The following FHIT variants were observed in gnomAD, a reference collection of about 807,000 sequenced individuals.
FHIT encodes the protein fragile histidine triad diadenosine triphosphatase.
In FHIT, 19 loss-of-function variants were observed where a neutral mutation model predicts 17.9. The ratio of observed to expected loss-of-function variants is 1.06; its 90% CI spans 0.74 to 1.56. The LOEUF is 1.56. FHIT is among the 40% of genes most tolerant of loss of function. The pLI is 0.00. For synonymous variants in FHIT, 81 were observed against 69.7 expected (o/e 1.16, Z -0.81); for missense variants, 248 against 189.2 (o/e 1.31, Z -1.82).
At chr3:59,890,617 C>T (rs1703814338) in intron 8 of FHIT, among the ~76,000 whole-genome samples, 1 of 152,136 alleles carries the variant, frequency 6.6e-6, no homozygotes, top group Admixed American at 6.5e-5. Flanking sequence ...TCAGCCAAAC[C>T]AGCTTATGCA....
chr3:60,135,439 C>G (rs1016361207), intron 5 of FHIT, among the ~76,000 whole-genome samples: 1 of 152,142 alleles, frequency 6.6e-6, no homozygotes, highest in Non-Finnish European at 1.5e-5. Context: ...CAATTTGATT[C>G]AAATATTTGT....
At chr3:61,121,978 C>A (rs1052804298) in intron 2 of FHIT, among the ~76,000 whole-genome samples, 4 of 152,080 alleles carry the variant, frequency 2.6e-5, no homozygotes, top group Admixed American at 6.6e-5. Flanking sequence ...TTAAAAAAGA[C>A]AAAGAAGGGC....
At chr3:60,371,253 G>A in intron 5 of FHIT, among the ~76,000 whole-genome samples, 1 of 152,174 alleles carries the variant, frequency 6.6e-6, no homozygotes, top group East Asian at 1.9e-4. Flanking sequence ...CTAGCACAAT[G>A]CTTCACCATA....
intron 2 of FHIT, among the ~76,000 whole-genome samples, chr3:61,187,097 G>A (rs1208861447): frequency 6.6e-6 from 1 of 152,154 alleles, no homozygotes; most frequent in African/African-American, 2.4e-5. Flanking sequence ...GCATATTACA[G>A]AAGATCAATA....
chr3:60,544,247 C>CA (rs1553645995), intron 4 of FHIT, among the ~76,000 whole-genome samples: 2 of 150,076 alleles, frequency 1.3e-5, no homozygotes, highest in East Asian at 1.9e-4. Flanking sequence ...GTTTAAACTT[C>CA]TTTTTTTTTG....
chr3:60,200,453 C>A (rs939025569), intron 5 of FHIT, among the ~76,000 whole-genome samples: 2 of 152,040 alleles, frequency 1.3e-5, no homozygotes, highest in African/African-American at 4.8e-5. Flanking sequence ...TAGGACATAT[C>A]CCTGGCATTT....
At chr3:60,718,497 T>C (rs2107957631) in intron 4 of FHIT, among the ~76,000 whole-genome samples, 1 of 152,262 alleles carries the variant, frequency 6.6e-6, no homozygotes, top group South Asian at 2.1e-4. Context: ...AGTAGAGACA[T>C]GTATTTTAAC....
intron 5 of FHIT, among the ~76,000 whole-genome samples, chr3:60,502,715 C>G (rs577394807): frequency 2.0e-5 from 3 of 152,130 alleles, no homozygotes; most frequent in African/African-American, 7.2e-5. Context: ...GTGACAAAAC[C>G]GTCTGTAGTC....
At chr3:60,179,003 G>A (rs1701804781) in intron 5 of FHIT, among the ~76,000 whole-genome samples, 1 of 152,036 alleles carries the variant, frequency 6.6e-6, no homozygotes, top group Admixed American at 6.6e-5. Flanking sequence ...ATACTGAGGG[G>A]CCCCTTAATT....
At chr3:60,732,829 G>C (rs2042061201) in intron 4 of FHIT, among the ~76,000 whole-genome samples, 1 of 151,738 alleles carries the variant, frequency 6.6e-6, no homozygotes, top group African/African-American at 2.4e-5. Flanking sequence ...TGGGACTACA[G>C]ATGCGAGCTA....
intron 8 of FHIT, among the ~76,000 whole-genome samples, chr3:59,774,109 G>T (rs372145886): frequency 1.3e-5 from 2 of 152,142 alleles, no homozygotes; most frequent in Non-Finnish European, 2.9e-5. Context: ...GCCCTACAGC[G>T]TGAGATGCGC....
intron 8 of FHIT, among the ~76,000 whole-genome samples, chr3:59,879,658 C>T (rs949303076): frequency 3.9e-5 from 6 of 152,016 alleles, no homozygotes; most frequent in South Asian, 2.1e-4. Context: ...TACGTAGGGT[C>T]GAATAAATGA....
intron 3 of FHIT, among the ~76,000 whole-genome samples, chr3:60,927,401 G>A (rs925610320): frequency 2.6e-5 from 4 of 152,222 alleles, no homozygotes; most frequent in Non-Finnish European, 5.9e-5. Context: ...CTGCCCCGCC[G>A]CCACCCTGTC....
chr3:59,859,939 G>C (rs899998638), intron 8 of FHIT, among the ~76,000 whole-genome samples: 2 of 152,166 alleles, frequency 1.3e-5, no homozygotes, highest in African/African-American at 4.8e-5. Flanking sequence ...ATAGTAATGA[G>C]AAGAGTGCTC....
intron 5 of FHIT, among the ~76,000 whole-genome samples, chr3:60,468,738 C>A (rs550155): frequency 6.6e-6 from 1 of 152,024 alleles, no homozygotes; most frequent in Non-Finnish European, 1.5e-5. Context: ...TTATGATATT[C>A]TTTATTTTTC....
At chr3:60,720,366 T>A (rs757524980) in intron 4 of FHIT, among the ~76,000 whole-genome samples, 2 of 152,176 alleles carry the variant, frequency 1.3e-5, no homozygotes, top group Non-Finnish European at 2.9e-5. Context: ...CTGTGCCCCA[T>A]AAATATTTGT....
chr3:61,184,964 T>A (rs1241669020), intron 2 of FHIT, among the ~76,000 whole-genome samples: 1 of 152,184 alleles, frequency 6.6e-6, no homozygotes, highest in African/African-American at 2.4e-5. Flanking sequence ...GAAAAATCAA[T>A]CTGTGGCTCT....
intron 3 of FHIT, among the ~76,000 whole-genome samples, chr3:60,947,489 T>A (rs1220898794): frequency 1.3e-5 from 2 of 152,224 alleles, no homozygotes; most frequent in African/African-American, 4.8e-5. Context: ...GGAAATCATA[T>A]TTCTTGCTGT....
At chr3:59,960,748 A>C (rs1017921117) in intron 7 of FHIT, among the ~76,000 whole-genome samples, 3 of 152,208 alleles carry the variant, frequency 2.0e-5, no homozygotes, top group African/African-American at 7.2e-5. Context: ...GTTTCAATAA[A>C]AGCTTCTATT....
Sources: allele counts gnomAD v4.1 joint callset (sites outside exome capture counted in the v4.1 genomes callset), GRCh38; gene constraint gnomAD v4.1.1; transcripts MANE v1.5; gene names NCBI Gene and HGNC (gene_info 2026-07-23, HGNC 2026-07-21).